Variants in PTP4A1 observed in about 807,000 individuals in gnomAD.
The protein encoded by PTP4A1 is protein tyrosine phosphatase 4A1, also known as protein tyrosine phosphatase type IVA 1.
In PTP4A1, 9 loss-of-function variants were observed where a neutral mutation model predicts 20.5. The ratio of observed to expected loss-of-function variants is 0.44; its 90% confidence interval spans 0.26 to 0.77. The LOEUF (loss-of-function observed/expected upper bound fraction) is 0.77, where lower values mean the gene tolerates loss of function less well. Among genes scored for constraint, PTP4A1 ranks in the 30% least tolerant of loss-of-function variants. PTP4A1 has a pLI of 0.19. For missense variants in PTP4A1, 137 were observed against 218.8 expected (o/e 0.63, Z 2.36); for synonymous variants, 78 against 67.4 (o/e 1.16, Z -0.77).
At chr6:63,572,428 G>GT (rs1777495767), upstream of PTP4A1, 3 of 367,108 alleles carry the variant, frequency 8.2e-6, no homozygotes, top group South Asian at 4.3e-4. Context: ...TTGGTGGCTG[G>GT]AGGGTTGCAC....
At chr6:63,520,255 T>G (rs1774872230), upstream of PTP4A1, among the ~76,000 whole-genome samples, 1 of 152,228 alleles carries the variant, frequency 6.6e-6, no homozygotes, top group South Asian at 2.1e-4. Flanking sequence ...TCTTTAAATG[T>G]TGTGATATAT....
chr6:63,562,157 A>T (rs1284961374), intron 3 of PTP4A1, among the ~76,000 whole-genome samples: 2 of 150,896 alleles, frequency 1.3e-5, no homozygotes, highest in Admixed American at 6.6e-5. Context: ...ATTTAACATT[A>T]CAATTATTTA....
At chr6:63,526,057 G>T (rs1041898822) in intron 1 of PTP4A1, among the ~76,000 whole-genome samples, 3 of 152,166 alleles carry the variant, frequency 2.0e-5, no homozygotes, top group African/African-American at 7.2e-5. Context: ...AGGCGCAGTG[G>T]CTCATGCCTG....
At position 63,526,379 on chromosome 6, in the gene PTP4A1, T is replaced by A. The variant is rs531968001; in HGVS notation, c.-905-1440T>A. Among the ~76,000 whole-genome samples, 3 of 152,218 alleles carry A rather than the reference T, an allele frequency of 2.0e-5. No individual in the cohort carries two copies. The South Asian group carries it at 6.2e-4, about 32-fold the overall frequency. On this transcript the variant is annotated intron_variant, in intron 1 of 3. Transcript: ENST00000639568. ...CAGAAGCTTTGGGTTCTAGAATAGC[T>A]GATAACAAAGTTGAAATTCTATTAT...
At chr6:63,519,590 C>T (rs1291327722), upstream of PTP4A1, among the ~76,000 whole-genome samples, 2 of 152,110 alleles carry the variant, frequency 1.3e-5, no homozygotes, top group African/African-American at 4.8e-5. Flanking sequence ...ATATACTTGG[C>T]ACAAGCTTAT....
At position 63,576,419 on chromosome 6, in the gene PTP4A1, C is replaced by T. The variant is rs894866416; in HGVS notation, c.-445-17C>T. On this transcript the variant is annotated splice_polypyrimidine_tract_variant and intron_variant, in intron 1 of 5. Coordinates refer to ENST00000626021, the MANE Select transcript of PTP4A1 (RefSeq NM_003463.5). The stretch of plus-strand genomic sequence containing the variant: ...AAAATAACTTATTCTCTCTTTCTGT[C>T]TTTTTCTTTTAAACAGCAATTCTGT... 28 of 399,106 alleles carry T rather than the reference C, an allele frequency of 7.0e-5. No individual in the cohort carries two copies. In the East Asian group the frequency reaches 9.3e-4, roughly 13 times the overall value. 24.7% of individuals were successfully genotyped at this position (399,106 alleles called of 1,614,324 possible).
chr6:63,543,597 G>A (rs1776068614), intron 2 of PTP4A1, among the ~76,000 whole-genome samples: 1 of 152,174 alleles, frequency 6.6e-6, no homozygotes, highest in African/African-American at 2.4e-5. Context: ...ATGTGAGGAA[G>A]GATATATCAC....
At chr6:63,522,281 A>G (rs1482364017) in intron 1 of PTP4A1, among the ~76,000 whole-genome samples, 1 of 152,212 alleles carries the variant, frequency 6.6e-6, no homozygotes, top group East Asian at 1.9e-4. Flanking sequence ...AATTTAGATG[A>G]ATTATTTGTA....
At position 63,564,291 on chromosome 6, in the gene PTP4A1, G is replaced by A. The variant is rs1377007969; in HGVS notation, c.-445-12145G>A. On this transcript the variant is annotated intron_variant, in intron 3 of 3. Transcript: ENST00000639568. ...ACTCTGTCTCAAAAAAAAAAAAAAA[G>A]AGAGAAATTTCAAAAGGCTTCTATA... Among the ~76,000 whole-genome samples the A allele has an allele frequency of 2.6e-4, 39 of 148,952 alleles. 1 individual carries two copies. The highest frequency in any genetic ancestry group is 2.1e-3 in the Admixed American group (31 of 14,996).
At chr6:63,566,272 G>T (rs1032040333) in intron 3 of PTP4A1, among the ~76,000 whole-genome samples, 1 of 152,206 alleles carries the variant, frequency 6.6e-6, no homozygotes, top group African/African-American at 2.4e-5. Context: ...AACTTGCAGG[G>T]TGTTGCAATG....
upstream of PTP4A1, among the ~76,000 whole-genome samples, chr6:63,521,093 G>T (rs899100212): frequency 6.6e-6 from 1 of 151,972 alleles, no homozygotes; most frequent in Non-Finnish European, 1.5e-5. Context: ...CGGGGTGGGG[G>T]AAAAGGGGAG....
At chr6:63,518,756 A>C (rs984856913), upstream of PTP4A1, among the ~76,000 whole-genome samples, 1 of 152,248 alleles carries the variant, frequency 6.6e-6, no homozygotes, top group African/African-American at 2.4e-5. Context: ...TGCAATAATA[A>C]TGCAATAATC....
chr6:63,572,657 C>T lies in PTP4A1; in HGVS notation c.-508C>T. On this transcript the variant is annotated 5_prime_UTR_variant, in exon 1 of 6. Coordinates refer to ENST00000626021, the MANE Select transcript of PTP4A1 (RefSeq NM_003463.5). The stretch of plus-strand genomic sequence containing the variant: ...CTGCAGCCACCGCCACCGCCTGTGT[C>T]GCCGCCGCCTCGGGACCGGCTGTAT... The T allele has an allele frequency of 2.4e-6, 1 of 411,800 alleles. No individual in the cohort carries two copies. The highest frequency in any genetic ancestry group is 4.2e-6 in the Non-Finnish European group (1 of 236,314). The allele number at this position is 411,800 out of a possible 1,614,324, so 25.5% of individuals were successfully genotyped here.
In PTP4A1 at chr6:63,529,163, G is replaced by GTA. The variant is rs67954410; in HGVS notation, c.-640+1091_-640+1092dup. On this transcript the variant is annotated intron_variant, in intron 2 of 3. Transcript: ENST00000639568. ...TATATATATATGTATATATATGTGT[G>GTA]TATATATATATATGTATATATATGT... 3.3e-4 allele frequency among the ~76,000 whole-genome samples: 45 copies of GTA among 137,522 alleles called. 1 individual carries two copies. Among genetic ancestry groups the GTA allele is most frequent in the East Asian group, 1.7e-3 (8 of 4,636 alleles). The allele number at this position is 137,522 out of a possible 152,430, so 90.2% of individuals were successfully genotyped here.
In PTP4A1 at chr6:63,528,685, C is replaced by T. The variant is rs146165869; in HGVS notation, c.-640+601C>T. Among the ~76,000 whole-genome samples, 7 of 152,128 alleles carry T rather than the reference C, an allele frequency of 4.6e-5. No individual in the cohort carries two copies. The East Asian group carries it at 1.2e-3, about 25-fold the overall frequency. ...CTGAAGTGGGAGGATTACCTGAGCA[C>T]GGGGGAGGTCAAGGCTGCAGTGAGC... On this transcript the variant is annotated intron_variant, in intron 2 of 3. Transcript: ENST00000639568.
intron 2 of PTP4A1, chr6:63,549,265 G>A: frequency 1.3e-6 from 1 of 751,388 alleles, no homozygotes. Context: ...TGGGTGAACT[G>A]GTTAATCTCA....
intron 2 of PTP4A1, among the ~76,000 whole-genome samples, chr6:63,529,433 A>C (rs1349011523): frequency 6.6e-6 from 1 of 151,998 alleles, no homozygotes; most frequent in Non-Finnish European, 1.5e-5. Context: ...AGGCAAAATA[A>C]TTGTCCAGAT....
At chr6:63,522,443 T>A (rs191716061) in intron 1 of PTP4A1, among the ~76,000 whole-genome samples, 1 of 152,266 alleles carries the variant, frequency 6.6e-6, no homozygotes, top group Non-Finnish European at 1.5e-5. Context: ...TAGTTACAAT[T>A]CAGGTGAAAC....
At position 63,582,770 on chromosome 6, in the gene PTP4A1, C is replaced by G. The variant is rs980954777; in HGVS notation, c.*2596C>G. On this transcript the variant is annotated 3_prime_UTR_variant, in exon 6 of 6. Coordinates refer to ENST00000626021, the MANE Select transcript of PTP4A1 (RefSeq NM_003463.5). The stretch of plus-strand genomic sequence containing the variant: ...GAAGGAAAACTCTGGAAGTAGGTGC[C>G]ATTGGTCATTCTGCAGTGCACTGCA... 3 of 152,164 alleles carry G rather than the reference C, an allele frequency of 2.0e-5. No homozygotes were observed. Among genetic ancestry groups the G allele is most frequent in the Non-Finnish European group, 4.4e-5 (3 of 68,044 alleles). The allele number at this position is 152,164 out of a possible 1,614,324, so 9.4% of individuals were successfully genotyped here.
Sources: allele counts gnomAD v4.1 joint callset (sites outside exome capture counted in the v4.1 genomes callset), GRCh38; gene constraint gnomAD v4.1.1; transcripts MANE v1.5; gene names NCBI Gene and HGNC (gene_info 2026-07-23, HGNC 2026-07-21).